CPNE4: variants seen among roughly 807,000 people sequenced by gnomAD.
CPNE4 encodes copine 4.
CPNE4 carries 25 observed loss-of-function variants against 67.9 expected under a neutral mutation model. The observed-to-expected ratio is 0.37, with a 90% CI of 0.27 to 0.51. CPNE4 has a LOEUF of 0.51. Ranked by LOEUF, CPNE4 falls within the 20% of genes least tolerant of loss-of-function variation. CPNE4 has a pLI of 0.93. For synonymous variants in CPNE4, 242 were observed against 244.9 expected (o/e 0.99, Z 0.11); for missense variants, 464 against 690.8 (o/e 0.67, Z 3.68).
intron 7 of CPNE4, among the ~76,000 whole-genome samples, chr3:131,595,418 C>T (rs572872346): frequency 1.2e-4 from 18 of 152,292 alleles, no homozygotes; most frequent in African/African-American, 4.3e-4. Flanking sequence ...CCATTTGTGA[C>T]AACAGGGACT....
At chr3:131,952,337 G>T (rs1049181571) in intron 1 of CPNE4, among the ~76,000 whole-genome samples, 2 of 149,062 alleles carry the variant, frequency 1.3e-5, no homozygotes, top group Admixed American at 6.7e-5. Flanking sequence ...CAACCACCCC[G>T]TCTGAGAAGT....
chr3:131,685,506 G>C (rs2080867079), intron 6 of CPNE4, among the ~76,000 whole-genome samples: 1 of 152,168 alleles, frequency 6.6e-6, no homozygotes, highest in South Asian at 2.1e-4. Context: ...AAAGGAGGCT[G>C]GGCGCGGTGG....
At chr3:131,588,559 G>A (rs1484775076) in intron 7 of CPNE4, among the ~76,000 whole-genome samples, 1 of 152,112 alleles carries the variant, frequency 6.6e-6, no homozygotes, top group Non-Finnish European at 1.5e-5. Context: ...AGATCCCACT[G>A]GCCGGTCTTG....
chr3:131,961,964 C>T (rs2072194689), intron 1 of CPNE4, among the ~76,000 whole-genome samples: 2 of 152,184 alleles, frequency 1.3e-5, no homozygotes, highest in South Asian at 4.1e-4. Flanking sequence ...ATCTCTATCC[C>T]ATCTGGCCAT....
intron 2 of CPNE4, among the ~76,000 whole-genome samples, chr3:131,795,637 T>C (rs2083899313): frequency 6.6e-6 from 1 of 152,184 alleles, no homozygotes; most frequent in Non-Finnish European, 1.5e-5. Context: ...CTGGCCAGTC[T>C]ATGGAGGGTG....
chr3:132,006,601 T>G (rs1461004202), intron 1 of CPNE4, among the ~76,000 whole-genome samples: 1 of 152,116 alleles, frequency 6.6e-6, no homozygotes. Flanking sequence ...ACTATAAAAT[T>G]GTGTTCATTG....
chr3:131,971,509 C>T (rs2072501587), intron 1 of CPNE4, among the ~76,000 whole-genome samples: 1 of 152,200 alleles, frequency 6.6e-6, no homozygotes, highest in Admixed American at 6.5e-5. Context: ...ACTACGTTAA[C>T]ATTTAACAAG....
chr3:132,001,713 G>A (rs936549695), intron 1 of CPNE4, among the ~76,000 whole-genome samples: 4 of 152,028 alleles, frequency 2.6e-5, no homozygotes, highest in African/African-American at 9.7e-5. Context: ...TGCATGAGGT[G>A]AATAAAAGAT....
chr3:131,558,269 A>G (rs578112343), intron 11 of CPNE4, among the ~76,000 whole-genome samples: 5 of 152,190 alleles, frequency 3.3e-5, no homozygotes, highest in Admixed American at 2.0e-4. Context: ...TTAAACATCC[A>G]TTATTTCTGT....
At chr3:131,839,945 G>A (rs2085708643) in intron 2 of CPNE4, among the ~76,000 whole-genome samples, 1 of 152,116 alleles carries the variant, frequency 6.6e-6, no homozygotes. Context: ...CATGTATGAG[G>A]CCCTATACGA....
At chr3:131,810,773 G>A (rs1458441665) in intron 2 of CPNE4, among the ~76,000 whole-genome samples, 2 of 152,082 alleles carry the variant, frequency 1.3e-5, no homozygotes, top group African/African-American at 4.8e-5. Context: ...GCCAAGATAT[G>A]TAAACAACCT....
intron 2 of CPNE4, among the ~76,000 whole-genome samples, chr3:131,855,941 T>C (rs992182980): frequency 2.6e-5 from 4 of 151,986 alleles, no homozygotes; most frequent in African/African-American, 7.2e-5. Flanking sequence ...TGGTCTCATA[T>C]GCCTGCCTTT....
intron 7 of CPNE4, among the ~76,000 whole-genome samples, chr3:131,648,491 C>G (rs1013365258): frequency 6.6e-6 from 1 of 152,198 alleles, no homozygotes; most frequent in Non-Finnish European, 1.5e-5. Flanking sequence ...TCCTAAGAAC[C>G]TAGCATGGTG....
At chr3:131,792,707 A>ATATATGTATATATACACG (rs2083791963) in intron 2 of CPNE4, among the ~76,000 whole-genome samples, 1 of 80,250 alleles carries the variant, frequency 1.2e-5, no homozygotes, top group African/African-American at 5.3e-5. Flanking sequence ...ATATACACAC[A>ATATATGTATATATACACG]CGTGTATATA....
intron 7 of CPNE4, among the ~76,000 whole-genome samples, chr3:131,656,865 A>G (rs1345613592): frequency 1.3e-5 from 2 of 152,210 alleles, no homozygotes; most frequent in Non-Finnish European, 2.9e-5. Context: ...TGTTAAGAAC[A>G]TGCCAGCTAT....
intron 2 of CPNE4, among the ~76,000 whole-genome samples, chr3:131,868,610 A>G (rs1480370541): frequency 6.6e-6 from 1 of 152,242 alleles, no homozygotes; most frequent in Non-Finnish European, 1.5e-5. Flanking sequence ...ACACAATTAT[A>G]GAAATTATTA....
chr3:131,602,730 G>A (rs1939276981), intron 7 of CPNE4, among the ~76,000 whole-genome samples: 1 of 152,144 alleles, frequency 6.6e-6, no homozygotes, highest in Non-Finnish European at 1.5e-5. Flanking sequence ...GGCTTTCAAT[G>A]AGAACTCTGT....
intron 2 of CPNE4, among the ~76,000 whole-genome samples, chr3:131,835,451 C>A (rs925809082): frequency 6.6e-6 from 1 of 152,212 alleles, no homozygotes; most frequent in African/African-American, 2.4e-5. Flanking sequence ...ATCGCTTGAA[C>A]CTAGGAAGTA....
At chr3:131,758,420 A>G (rs1180694338) in intron 2 of CPNE4, among the ~76,000 whole-genome samples, 1 of 151,940 alleles carries the variant, frequency 6.6e-6, no homozygotes, top group Admixed American at 6.6e-5. Context: ...GTTTTGGCCA[A>G]TTTCTCCCAT....
Sources: allele counts gnomAD v4.1 joint callset (sites outside exome capture counted in the v4.1 genomes callset), GRCh38; gene constraint gnomAD v4.1.1; transcripts MANE v1.5; gene names NCBI Gene and HGNC (gene_info 2026-07-23, HGNC 2026-07-21).